Variants in GLRA1 observed in about 807,000 individuals in gnomAD.
GLRA1 encodes the protein glycine receptor subunit alpha-1.
GLRA1 carries 37 observed loss-of-function variants against 48.3 expected under a neutral mutation model. The observed-to-expected ratio is 0.77, with a 90% confidence interval of 0.59 to 1.01. GLRA1 has a LOEUF of 1.01. GLRA1 is among the 50% of genes least tolerant of loss of function. The probability of loss-of-function intolerance (pLI) is 0.00; values close to 1 mark genes in which losing one functional copy is unlikely to be tolerated. For synonymous variants in GLRA1, 196 were observed against 210.7 expected, an observed-to-expected ratio of 0.93 and a Z score of 0.60; for missense variants, 427 against 571.0, an observed-to-expected ratio of 0.75 and a Z score of 2.57.
intron 7 of GLRA1, chr5:151,849,179 C>CTTTCTTTT (rs1752794028): frequency 7.7e-6 from 1 of 129,932 alleles, no homozygotes; most frequent in African/African-American, 4.2e-5. Context: ...TTCTTTCTTT[C>CTTTCTTTT]TTTCTTTCTT....
chr5:151,832,079 A>G (rs1482332418), intron 7 of GLRA1, among the ~76,000 whole-genome samples: 1 of 152,232 alleles, frequency 6.6e-6, no homozygotes, highest in Non-Finnish European at 1.5e-5. Context: ...AAGGAAAACT[A>G]ACAAACAGAA....
At chr5:151,866,785 A>C (rs1052072138) in intron 3 of GLRA1, among the ~76,000 whole-genome samples, 1 of 152,028 alleles carries the variant, frequency 6.6e-6, no homozygotes, top group African/African-American at 2.4e-5. Flanking sequence ...TCTACCACAC[A>C]AAATTGAAAG....
At chr5:151,840,505 G>A (rs137901828) in intron 7 of GLRA1, among the ~76,000 whole-genome samples, 329 of 152,054 alleles carry the variant, frequency 2.2e-3, no homozygotes, top group Non-Finnish European at 3.4e-3. Flanking sequence ...ATACGAAATC[G>A]CATTTTTTAT....
chr5:151,922,373 C>T lies in GLRA1; in HGVS notation c.56+2121G>A, dbSNP rs189962473. ...CAATTGAACAAATACAATCTGCTCA[C>T]TTTGCTTCCTTGTGACCTTTTTTTA... On this transcript the variant is annotated intron_variant, in intron 1 of 8. Transcript: ENST00000274576. Among the ~76,000 whole-genome samples, 451 of 152,346 alleles carry T rather than the reference C, an allele frequency of 3.0e-3. 1 individual carries two copies. The highest frequency in any genetic ancestry group is 0.011 in the South Asian group (51 of 4,830).
At chr5:151,860,568 A>G (rs1468174999) in intron 3 of GLRA1, among the ~76,000 whole-genome samples, 1 of 152,194 alleles carries the variant, frequency 6.6e-6, no homozygotes, top group Non-Finnish European at 1.5e-5. Flanking sequence ...TCAAGAAGTG[A>G]AGGAGGGATG....
intron 7 of GLRA1, among the ~76,000 whole-genome samples, chr5:151,832,564 A>G (rs142107665): frequency 2.0e-5 from 3 of 152,348 alleles, no homozygotes; most frequent in East Asian, 1.9e-4. Context: ...TTGAAGATCA[A>G]TTTAGTGAAA....
chr5:151,904,569 T>A (rs765973118), intron 1 of GLRA1, among the ~76,000 whole-genome samples: 1 of 152,178 alleles, frequency 6.6e-6, no homozygotes, highest in Non-Finnish European at 1.5e-5. Flanking sequence ...GCATAAGAAC[T>A]TGTTTTTTGG....
intron 1 of GLRA1, among the ~76,000 whole-genome samples, chr5:151,914,484 T>C (rs1754690932): frequency 6.6e-6 from 1 of 152,212 alleles, no homozygotes; most frequent in Admixed American, 6.5e-5. Context: ...GGTATACTCC[T>C]GTGTGTCTGG....
chr5:151,922,126 C>G (rs150583648), intron 1 of GLRA1, among the ~76,000 whole-genome samples: 1 of 152,320 alleles, frequency 6.6e-6, no homozygotes, highest in East Asian at 1.9e-4. Context: ...GAGCAGCTGG[C>G]ATCATTTATT....
chr5:151,849,089 T>C (rs896107982), intron 7 of GLRA1: 2 of 329,892 alleles, frequency 6.1e-6, no homozygotes, highest in Non-Finnish European at 1.1e-5. Context: ...TTTTCTTTCC[T>C]TTTTATTTCT....
chr5:151,855,908 A>T (rs1026950277), intron 5 of GLRA1, among the ~76,000 whole-genome samples: 1 of 152,210 alleles, frequency 6.6e-6, no homozygotes, highest in Non-Finnish European at 1.5e-5. Context: ...AGTGCTTTGT[A>T]CTTCTAACAA....
At chr5:151,829,951 T>G (rs1373001931) in intron 7 of GLRA1, among the ~76,000 whole-genome samples, 1 of 152,224 alleles carries the variant, frequency 6.6e-6, no homozygotes, top group African/African-American at 2.4e-5. Flanking sequence ...ATATACAACA[T>G]TCTGTTTATC....
intron 3 of GLRA1, among the ~76,000 whole-genome samples, chr5:151,869,362 C>A (rs1441342997): frequency 6.6e-6 from 1 of 150,988 alleles, no homozygotes; most frequent in Admixed American, 6.6e-5. Flanking sequence ...CCTTGGCGTA[C>A]AAAAGTGCTG....
chr5:151,892,342 T>C lies in GLRA1; in HGVS notation c.153A>G (p.Gly51=), dbSNP rs766998030. 1.2e-6 allele frequency: 2 copies of C among 1,613,984 alleles called. No homozygotes were observed. The highest frequency in any genetic ancestry group is 2.2e-5 in the South Asian group (2 of 91,072). The part of the protein sequence containing the change: ...FLDKLMGRTS[G]YDARIRPNFK... ...AATTGGGCCTGATCCTGGCATCATATCCGGAGGTTCTCCCCATTAGCTTAT... is the reference window on the plus strand; with the variant it reads ...AATTGGGCCTGATCCTGGCATCATACCCGGAGGTTCTCCCCATTAGCTTAT... The change falls in exon 2 of 9, where the codon GGA becomes GGG. Residue 51 remains glycine, a synonymous_variant. Coordinates refer to ENST00000274576, the MANE Select transcript of GLRA1 (RefSeq NM_000171.4).
chr5:151,892,234 C>T lies in GLRA1; in HGVS notation c.184+77G>A, dbSNP rs529266152. 40 of 1,302,758 alleles carry T rather than the reference C, an allele frequency of 3.1e-5. No homozygotes were observed. In the East Asian group the frequency reaches 4.2e-4, roughly 14 times the overall value. The allele number at this position is 1,302,758 out of a possible 1,614,324, so 80.7% of individuals were successfully genotyped here. ...ATTCACACTGCGTATTTACCATCTG[C>T]GTGCATTACCATGCTGCTTGCTGCT... is the stretch of plus-strand genomic sequence containing the variant. On this transcript the variant is annotated intron_variant, in intron 2 of 8. Coordinates refer to ENST00000274576, the MANE Select transcript of GLRA1 (RefSeq NM_000171.4).
intron 7 of GLRA1, among the ~76,000 whole-genome samples, chr5:151,849,452 T>TTTCCTTTCTTTCC (rs1561555110): frequency 6.4e-5 from 1 of 15,654 alleles, no homozygotes; most frequent in Non-Finnish European, 1.1e-4. Context: ...TTTCCTTTCC[T>TTTCCTTTCTTTCC]TTCCTTCCTT....
chr5:151,849,183 C>CT (rs1393409609), intron 7 of GLRA1: 23 of 103,848 alleles, frequency 2.2e-4, no homozygotes, highest in African/African-American at 1.0e-3. Flanking sequence ...TTCTTTCTTT[C>CT]TTTCTTTTCT....
intron 7 of GLRA1, among the ~76,000 whole-genome samples, chr5:151,834,446 T>C (rs1238124140): frequency 6.6e-6 from 1 of 152,092 alleles, no homozygotes; most frequent in African/African-American, 2.4e-5. Flanking sequence ...AGACACAACA[T>C]ACCAGAATCT....
intron 3 of GLRA1, among the ~76,000 whole-genome samples, chr5:151,864,401 A>G (rs1249531400): frequency 6.6e-6 from 1 of 152,230 alleles, no homozygotes. Flanking sequence ...CCTGCAAGCT[A>G]GACATTCAGA....
Sources: allele counts gnomAD v4.1 joint callset (sites outside exome capture counted in the v4.1 genomes callset), GRCh38; gene constraint gnomAD v4.1.1; transcripts MANE v1.5; gene names NCBI Gene and HGNC (gene_info 2026-07-23, HGNC 2026-07-21).